SIMC1: variants seen among roughly 807,000 people sequenced by gnomAD.
The protein encoded by SIMC1 is SUMO interacting motifs containing 1, also known as SUMO-interacting motif-containing protein 1.
A neutral mutation model predicts 82.3 loss-of-function variants in SIMC1; 55 were observed. That is an observed-to-expected ratio of 0.67 (90% CI 0.54 to 0.84). The LOEUF (loss-of-function observed/expected upper bound fraction) is 0.84, where lower values mean the gene tolerates loss of function less well. Among genes scored for constraint, SIMC1 ranks in the 40% least tolerant of loss-of-function variants. The pLI is 0.00. For missense variants in SIMC1, 915 were observed against 1,107.2 expected (o/e 0.83, Z 2.46); for synonymous variants, 353 against 426.3 (o/e 0.83, Z 2.12).
At chr5:176,262,883 A>G (rs1762065276) in intron 1 of SIMC1, among the ~76,000 whole-genome samples, 1 of 151,934 alleles carries the variant, frequency 6.6e-6, no homozygotes. Flanking sequence ...TTGTCTATGT[A>G]GAAAATCTCA....
intron 9 of SIMC1, among the ~76,000 whole-genome samples, chr5:176,337,779 A>G (rs1273520241): frequency 2.6e-5 from 4 of 152,236 alleles, no homozygotes; most frequent in Admixed American, 6.5e-5. Flanking sequence ...CAAGGTGAAC[A>G]TGTACATCTT....
intron 4 of SIMC1, among the ~76,000 whole-genome samples, chr5:176,306,728 A>C (rs546495165): frequency 6.6e-6 from 1 of 151,378 alleles, no homozygotes; most frequent in Admixed American, 6.6e-5. Context: ...GCTCGTTAAG[A>C]GTCATCACCA....
chr5:176,284,518 T>C (rs1763173717), intron 1 of SIMC1, among the ~76,000 whole-genome samples: 1 of 152,128 alleles, frequency 6.6e-6, no homozygotes, highest in Non-Finnish European at 1.5e-5. Flanking sequence ...GGGATACATT[T>C]AAAGCAGTGT....
chr5:176,317,434 C>A (rs186066678), intron 5 of SIMC1, among the ~76,000 whole-genome samples: 2 of 152,076 alleles, frequency 1.3e-5, no homozygotes, highest in Admixed American at 1.3e-4. Flanking sequence ...TAAATATTTA[C>A]CCCCATATGG....
intron 4 of SIMC1, among the ~76,000 whole-genome samples, chr5:176,305,058 G>GT (rs922500053): frequency 8.0e-6 from 1 of 124,664 alleles, no homozygotes; most frequent in Non-Finnish European, 1.7e-5. Flanking sequence ...AGTGAGGAGC[G>GT]TCTCCGCCCG....
intron 1 of SIMC1, among the ~76,000 whole-genome samples, chr5:176,258,392 G>A (rs150431431): frequency 0.02 from 2,993 of 150,570 alleles, 74 homozygotes; most frequent in Non-Finnish European, 0.029. Context: ...ACCACCGCTT[G>A]TCTCCATCTT....
chr5:176,294,071 G>T (rs1055216508), intron 2 of SIMC1, among the ~76,000 whole-genome samples: 1 of 151,772 alleles, frequency 6.6e-6, no homozygotes, highest in East Asian at 1.9e-4. Context: ...TATCTATTTC[G>T]GTATCTGATA....
intron 9 of SIMC1, 87 bp from the exon 10 acceptor site, chr5:176,345,096 C>T: frequency 6.6e-7 from 1 of 1,515,614 alleles, no homozygotes; most frequent in Admixed American, 2.1e-5. Context: ...CAAGTCTTTG[C>T]CAAGACTCTA....
At chr5:176,337,761 A>G (rs1167986142) in intron 9 of SIMC1, among the ~76,000 whole-genome samples, 1 of 152,232 alleles carries the variant, frequency 6.6e-6, no homozygotes, top group Non-Finnish European at 1.5e-5. Context: ...TACAGAGCAA[A>G]TCAGGAGCAA....
At chr5:176,256,339 A>C (rs1761851303) in intron 1 of SIMC1, among the ~76,000 whole-genome samples, 1 of 152,142 alleles carries the variant, frequency 6.6e-6, no homozygotes, top group Non-Finnish European at 1.5e-5. Context: ...TAATTGAAGC[A>C]GTCTTTAGAC....
At chr5:176,291,138 C>T (rs554514732) in intron 2 of SIMC1, among the ~76,000 whole-genome samples, 183 bp downstream of exon 2, 2 of 148,006 alleles carry the variant, frequency 1.4e-5, no homozygotes, top group Non-Finnish European at 3.0e-5. Context: ...TTTAGCCCCA[C>T]GCTTAAAAAC....
chr5:176,273,631 T>A (rs1762546606), intron 1 of SIMC1, among the ~76,000 whole-genome samples: 1 of 152,158 alleles, frequency 6.6e-6, no homozygotes, highest in African/African-American at 2.4e-5. Context: ...ATTAGGTATA[T>A]CTCCCAATGC....
In SIMC1 at chr5:176,263,137, A is replaced by G. The variant is rs192774496; in HGVS notation, c.129+24500A>G. ...AGAAAACTGTGATGACAGGTGTCAA[A>G]GAACTACATAAATGGAGAAACATTT... On this transcript the variant is annotated intron_variant, in intron 1 of 9. Transcript: ENST00000429602. Among the ~76,000 whole-genome samples, 563 of 146,108 alleles carry G rather than the reference A, an allele frequency of 3.9e-3. 3 individuals are homozygous for G. Among genetic ancestry groups the G allele is most frequent in the African/African-American group, 0.014 (535 of 39,546 alleles).
At chr5:176,285,850 CAGAG>C (rs1471664499) in intron 1 of SIMC1, among the ~76,000 whole-genome samples, 3 of 152,142 alleles carry the variant, frequency 2.0e-5, no homozygotes, top group Non-Finnish European at 2.9e-5. Flanking sequence ...CAATAACAGA[CAGAG>C]AGCCAAATCA....
intron 1 of SIMC1, among the ~76,000 whole-genome samples, chr5:176,258,503 C>T (rs1761917890): frequency 6.7e-6 from 1 of 149,828 alleles, no homozygotes; most frequent in African/African-American, 2.4e-5. Flanking sequence ...AAAAGCAAGT[C>T]ACAAAATATA....
chr5:176,290,960 G>T lies in SIMC1; in HGVS notation c.1431+5G>T, dbSNP rs1352101102. On this transcript the variant is annotated splice_donor_5th_base_variant and intron_variant, in intron 2 of 9. Coordinates refer to ENST00000429602, the MANE Select transcript of SIMC1 (RefSeq NM_001308195.2). ...CCGGATAAAGACACAAGAGAGGTGA[G>T]CTAACATCTTCCCTCAGGGATTAGG... 6.4e-7 allele frequency: 1 copy of T among 1,556,348 alleles called. No homozygotes were observed. The highest frequency in any genetic ancestry group is 2.3e-5 in the East Asian group (1 of 44,194).
intron 7 of SIMC1, among the ~76,000 whole-genome samples, chr5:176,332,132 A>G (rs1765697057): frequency 6.6e-6 from 1 of 152,146 alleles, no homozygotes; most frequent in African/African-American, 2.4e-5. Context: ...TAATATAAGT[A>G]TTGGTTTTAT....
At chr5:176,298,870 C>T (rs913727425) in intron 4 of SIMC1, among the ~76,000 whole-genome samples, 1 of 151,816 alleles carries the variant, frequency 6.6e-6, no homozygotes, top group African/African-American at 2.4e-5. Context: ...CAAAAAAAAT[C>T]AATGAAAAAT....
At chr5:176,250,165 G>A (rs1380148721) in intron 1 of SIMC1, among the ~76,000 whole-genome samples, 1 of 152,008 alleles carries the variant, frequency 6.6e-6, no homozygotes, top group Non-Finnish European at 1.5e-5. Context: ...CTGCCTTAAT[G>A]TCGTTATTTA....
Sources: gnomAD v4.1 joint callset for allele counts (sites outside exome capture counted in the v4.1 genomes callset) on GRCh38, gnomAD v4.1.1 for gene constraint, MANE v1.5 for transcripts, NCBI Gene and HGNC (gene_info 2026-07-23, HGNC 2026-07-21) for gene names.